PCDH15: variants seen among roughly 807,000 people sequenced by gnomAD.
PCDH15 encodes the protein protocadherin related 15.
PCDH15 carries 129 observed loss-of-function variants against 178.5 expected under a neutral mutation model. The observed-to-expected ratio is 0.72, with a 90% CI of 0.63 to 0.84. The LOEUF (loss-of-function observed/expected upper bound fraction) is 0.84. PCDH15 is among the 40% of genes least tolerant of loss of function. PCDH15 has a pLI of 0.00. For missense variants in PCDH15, 2,230 were observed against 2,099.9 expected (o/e 1.06, Z -1.21); for synonymous variants, 800 against 732.0 (o/e 1.09, Z -1.50).
intron 18 of PCDH15, among the ~76,000 whole-genome samples, chr10:54,051,233 G>A (rs1416819520): frequency 1.3e-5 from 2 of 152,178 alleles, no homozygotes; most frequent in Admixed American, 6.5e-5. Flanking sequence ...GGCAAATTTG[G>A]AAGTGGGTAA....
chr10:55,028,291 T>TACTAGGGCAATACTAAAGAAAATAAAAA (rs1282309642), intron 2 of PCDH15, among the ~76,000 whole-genome samples: 1 of 151,850 alleles, frequency 6.6e-6, no homozygotes, highest in African/African-American at 2.4e-5. Flanking sequence ...TGGTTTATTT[T>TACTAGGGCAATACTAAAGAAAATAAAAA]ACTAGGGCAA....
chr10:54,838,104 G>A (rs1018824820), intron 3 of PCDH15, among the ~76,000 whole-genome samples: 8 of 151,796 alleles, frequency 5.3e-5, no homozygotes, highest in African/African-American at 9.7e-5. Context: ...TAACTTAGTC[G>A]AACGACAGTA....
intron 3 of PCDH15, among the ~76,000 whole-genome samples, chr10:54,446,981 C>G (rs1343499540): frequency 1.3e-5 from 2 of 151,638 alleles, no homozygotes; most frequent in South Asian, 2.1e-4. Context: ...ATTAAAGAAA[C>G]ACAAACTTCC....
At chr10:55,369,494 A>G (rs978433565) in intron 2 of PCDH15, among the ~76,000 whole-genome samples, 1 of 152,066 alleles carries the variant, frequency 6.6e-6, no homozygotes, top group Admixed American at 6.6e-5. Context: ...TCCAAGAGTG[A>G]CAATGGAACA....
chr10:55,350,632 G>T (rs1251764335), intron 2 of PCDH15, among the ~76,000 whole-genome samples: 1 of 151,894 alleles, frequency 6.6e-6, no homozygotes, highest in African/African-American at 2.4e-5. Flanking sequence ...ATAGAAAATG[G>T]AGTTTTAAAA....
At position 55,387,945 on chromosome 10, in the gene PCDH15, T is replaced by C. The variant is rs1048092077; in HGVS notation, c.-155-221294A>G. 2.0e-5 allele frequency among the ~76,000 whole-genome samples: 3 copies of C among 152,176 alleles called. No homozygotes were observed. The East Asian group carries it at 5.8e-4, about 29-fold the overall frequency. On this transcript the variant is annotated intron_variant, in intron 2 of 5. Coordinates refer to the PCDH15 transcript ENST00000613346. The stretch of plus-strand genomic sequence containing the variant: ...TTTCCTTTCTAATTGCAGCTAAATA[T>C]GTCTTCTACCTCACTTCACTTCTGG...
At chr10:55,075,022 C>T (rs184692187) in intron 2 of PCDH15, among the ~76,000 whole-genome samples, 5 of 152,156 alleles carry the variant, frequency 3.3e-5, no homozygotes, top group African/African-American at 9.6e-5. Flanking sequence ...GATCAGATGA[C>T]GTAGATGTGC....
chr10:54,980,047 A>G (rs534178558), intron 2 of PCDH15, among the ~76,000 whole-genome samples: 70 of 152,276 alleles, frequency 4.6e-4, no homozygotes, highest in Non-Finnish European at 7.8e-4. Flanking sequence ...TAAATGGGCA[A>G]TGATTGGTGG....
intron 2 of PCDH15, among the ~76,000 whole-genome samples, chr10:54,641,717 G>A (rs1196172755): frequency 9.5e-6 from 1 of 105,284 alleles, no homozygotes. Flanking sequence ...CTCTCCGTTG[G>A]ACTATATTGC....
chr10:54,026,204 C>G (rs1427429655), intron 18 of PCDH15, among the ~76,000 whole-genome samples: 1 of 151,818 alleles, frequency 6.6e-6, no homozygotes, highest in African/African-American at 2.4e-5. Flanking sequence ...GCGCAGCTGG[C>G]ACTACAAGCA....
At chr10:55,072,943 TA>T (rs200194251) in intron 2 of PCDH15, among the ~76,000 whole-genome samples, 3,268 of 151,538 alleles carry the variant, frequency 0.022, 122 homozygotes, top group African/African-American at 0.075. Context: ...GCTGGTTCAA[TA>T]TACGCAAATC....
intron 2 of PCDH15, among the ~76,000 whole-genome samples, chr10:55,450,653 T>A (rs1839414577): frequency 6.6e-6 from 1 of 152,280 alleles, no homozygotes; most frequent in Middle Eastern, 3.4e-3. Flanking sequence ...CTTGATATGG[T>A]CACTTAAAAG....
chr10:54,157,333 A>C (rs866603280), intron 13 of PCDH15, among the ~76,000 whole-genome samples: 13 of 152,228 alleles, frequency 8.5e-5, no homozygotes, highest in African/African-American at 3.1e-4. Flanking sequence ...CCCAAACCTC[A>C]ATTCTTGACT....
chr10:54,945,928 A>C (rs117877309), intron 2 of PCDH15, among the ~76,000 whole-genome samples: 1 of 151,970 alleles, frequency 6.6e-6, no homozygotes, highest in Non-Finnish European at 1.5e-5. Context: ...TTAAATAAAT[A>C]TTATGTGTGT....
intron 25 of PCDH15, among the ~76,000 whole-genome samples, chr10:53,937,771 T>A (rs1402020768): frequency 6.6e-6 from 1 of 152,180 alleles, no homozygotes; most frequent in African/African-American, 2.4e-5. Flanking sequence ...CTGTTGCTCC[T>A]GTCTTGCTTT....
intron 2 of PCDH15, among the ~76,000 whole-genome samples, chr10:54,939,333 A>G (rs190433999): frequency 6.6e-6 from 1 of 151,466 alleles, no homozygotes; most frequent in Non-Finnish European, 1.5e-5. Flanking sequence ...TCTCTACTAA[A>G]AAAAACAAAA....
chr10:55,582,626 A>ATTTTTTTTT lies in PCDH15; in HGVS notation c.-156+44998_-156+44999insAAAAAAAAA, dbSNP rs1413632977. On this transcript the variant is annotated intron_variant, in intron 2 of 5. Transcript: ENST00000613346. The stretch of plus-strand genomic sequence containing the variant: ...TATATATATATATATATATATATAT[A>ATTTTTTTTT]TATTTTTTTTTTTTTGCTATATTTG... Among the ~76,000 whole-genome samples the ATTTTTTTTT allele has an allele frequency of 6.5e-5, 4 of 61,232 alleles. No homozygotes were observed. The South Asian group carries it at 2.1e-3, about 33-fold the overall frequency. 40.2% of individuals were successfully genotyped at this position (61,232 alleles called of 152,430 possible).
intron 3 of PCDH15, among the ~76,000 whole-genome samples, chr10:54,387,799 A>G (rs1337763548): frequency 6.6e-6 from 1 of 152,214 alleles, no homozygotes; most frequent in Non-Finnish European, 1.5e-5. Flanking sequence ...CCTCGGCAGT[A>G]TCACCTGATT....
chr10:55,038,302 T>C (rs1437324504), intron 2 of PCDH15, among the ~76,000 whole-genome samples: 4 of 152,230 alleles, frequency 2.6e-5, no homozygotes, highest in Non-Finnish European at 5.9e-5. Context: ...AGTAAGTTTT[T>C]CTATAAATTG....
Sources: allele counts gnomAD v4.1 joint callset (sites outside exome capture counted in the v4.1 genomes callset), GRCh38; gene constraint gnomAD v4.1.1; transcripts MANE v1.5; gene names NCBI Gene and HGNC (gene_info 2026-07-23, HGNC 2026-07-21).